MOB3B: variants seen among roughly 807,000 people sequenced by gnomAD.
MOB3B encodes the protein MOB kinase activator-like 2B.
A neutral mutation model predicts 18.7 loss-of-function variants in MOB3B; 7 were observed. That is an observed-to-expected ratio of 0.37 (90% CI 0.21 to 0.70). MOB3B has a LOEUF of 0.70. Ranked by LOEUF, MOB3B falls within the 30% of genes least tolerant of loss-of-function variation. The pLI is 0.52. For missense variants in MOB3B, 253 were observed against 281.3 expected, an observed-to-expected ratio of 0.90 and a Z score of 0.72; for synonymous variants, 111 against 99.9, an observed-to-expected ratio of 1.11 and a Z score of -0.66.
chr9:27,491,989 T>C (rs1438903624), intron 1 of MOB3B, among the ~76,000 whole-genome samples: 1 of 152,252 alleles, frequency 6.6e-6, no homozygotes, highest in African/African-American at 2.4e-5. Flanking sequence ...GATACCTAAA[T>C]GGAAAGTAGT....
intron 2 of MOB3B, among the ~76,000 whole-genome samples, chr9:27,415,680 G>GA (rs1417839424): frequency 6.6e-6 from 1 of 152,156 alleles, no homozygotes; most frequent in African/African-American, 2.4e-5. Flanking sequence ...AACTGTGTGA[G>GA]AAAAATCCTC....
At chr9:27,462,330 C>T (rs1681463330) in intron 1 of MOB3B, among the ~76,000 whole-genome samples, 1 of 148,348 alleles carries the variant, frequency 6.7e-6, no homozygotes, top group Admixed American at 6.7e-5. Flanking sequence ...TAAAGAAAGA[C>T]ACGTGAATTG....
At chr9:27,484,815 T>C (rs1333003237) in intron 1 of MOB3B, among the ~76,000 whole-genome samples, 8 of 152,148 alleles carry the variant, frequency 5.3e-5, no homozygotes, top group African/African-American at 1.9e-4. Flanking sequence ...TTCTGCAGGC[T>C]GTCAAACCCA....
At chr9:27,481,516 TTTTG>T (rs1563879358) in intron 1 of MOB3B, among the ~76,000 whole-genome samples, 4 of 136,818 alleles carry the variant, frequency 2.9e-5, no homozygotes, top group Non-Finnish European at 4.8e-5. Context: ...TTTTTGTTTT[TTTTG>T]TTTTTTTTTT....
chr9:27,496,279 C>T (rs922014418), intron 1 of MOB3B, among the ~76,000 whole-genome samples: 2 of 149,434 alleles, frequency 1.3e-5, no homozygotes, highest in Non-Finnish European at 1.5e-5. Context: ...GTTTTATTGC[C>T]AGGAGATAGA....
intron 2 of MOB3B, among the ~76,000 whole-genome samples, chr9:27,434,214 T>G (rs1822459100): frequency 6.6e-6 from 1 of 152,196 alleles, no homozygotes; most frequent in East Asian, 1.9e-4. Flanking sequence ...CTGGGCTGTC[T>G]GCTGACCCTC....
At chr9:27,503,280 G>A (rs751584751) in intron 1 of MOB3B, among the ~76,000 whole-genome samples, 2 of 152,182 alleles carry the variant, frequency 1.3e-5, no homozygotes, top group African/African-American at 2.4e-5. Flanking sequence ...AATTGACCAC[G>A]AATGTCAAAT....
chr9:27,411,134 T>G (rs1822059266), intron 2 of MOB3B, among the ~76,000 whole-genome samples: 1 of 152,238 alleles, frequency 6.6e-6, no homozygotes. Context: ...TACAATGATG[T>G]ATCCCTAGAT....
intron 1 of MOB3B, among the ~76,000 whole-genome samples, chr9:27,497,878 T>C (rs1487835011): frequency 1.3e-5 from 2 of 152,230 alleles, no homozygotes; most frequent in Non-Finnish European, 2.9e-5. Context: ...TAGCTGATCC[T>C]TGTTTAGAAG....
At chr9:27,406,909 G>A (rs1305183773) in intron 2 of MOB3B, among the ~76,000 whole-genome samples, 1 of 151,786 alleles carries the variant, frequency 6.6e-6, no homozygotes, top group Non-Finnish European at 1.5e-5. Flanking sequence ...CATGATCTCG[G>A]CTCACTGCAA....
chr9:27,501,702 G>A (rs771597477), intron 1 of MOB3B, among the ~76,000 whole-genome samples: 1 of 151,172 alleles, frequency 6.6e-6, no homozygotes, highest in Non-Finnish European at 1.5e-5. Flanking sequence ...AGGAGGTGTA[G>A]GTTGCAGTGA....
chr9:27,505,037 A>T (rs77874625), intron 1 of MOB3B, among the ~76,000 whole-genome samples: 4,892 of 152,282 alleles, frequency 0.032, 432 homozygotes, highest in East Asian at 0.28. Context: ...GCCCACCCTG[A>T]TAATCCAGAA....
intron 3 of MOB3B, among the ~76,000 whole-genome samples, chr9:27,342,133 C>T (rs572340209): frequency 6.6e-6 from 1 of 152,262 alleles, no homozygotes; most frequent in South Asian, 2.1e-4. Context: ...GCGACTGGGA[C>T]AGAGCCCGGC....
chr9:27,489,457 T>C (rs1819780827), intron 1 of MOB3B, among the ~76,000 whole-genome samples: 3 of 152,222 alleles, frequency 2.0e-5, no homozygotes, highest in Admixed American at 1.3e-4. Context: ...CTCCCTCATC[T>C]TGAGCTCAAG....
Position 27,329,609 on chromosome 9 carries a change from G to A in MOB3B, c.*978C>T, listed in dbSNP as rs993943826. The A allele has an allele frequency of 6.6e-6, 1 of 152,554 alleles. No homozygotes were observed. Among genetic ancestry groups the A allele is most frequent in the Non-Finnish European group, 1.5e-5 (1 of 68,030 alleles). 9.5% of individuals were successfully genotyped at this position (152,554 alleles called of 1,614,324 possible). ...AGCCGTCTGGGTGTTAAATCTACACGTACCAAATAACCAATTGTACTTTTT... is the reference window on the plus strand; with the variant it reads ...AGCCGTCTGGGTGTTAAATCTACACATACCAAATAACCAATTGTACTTTTT... On this transcript the variant is annotated 3_prime_UTR_variant, in exon 4 of 4. Transcript: ENST00000262244.
intron 2 of MOB3B, among the ~76,000 whole-genome samples, chr9:27,434,468 G>T (rs1001081278): frequency 2.6e-5 from 4 of 151,892 alleles, no homozygotes; most frequent in Non-Finnish European, 5.9e-5. Flanking sequence ...TAACCCACAA[G>T]TGCTCTTAGC....
chr9:27,450,642 G>A (rs903260379), intron 2 of MOB3B, among the ~76,000 whole-genome samples: 1 of 152,182 alleles, frequency 6.6e-6, no homozygotes, highest in Non-Finnish European at 1.5e-5. Context: ...CCTTTACCAT[G>A]TGAAGGGGAA....
chr9:27,486,233 A>T (rs1819727690), intron 1 of MOB3B, among the ~76,000 whole-genome samples: 1 of 152,230 alleles, frequency 6.6e-6, no homozygotes, highest in Non-Finnish European at 1.5e-5. Flanking sequence ...GCAGTATTAG[A>T]AGCAAGTCAA....
At chr9:27,378,451 G>A (rs1275755540) in intron 2 of MOB3B, 2 of 471,226 alleles carry the variant, frequency 4.2e-6, no homozygotes, top group African/African-American at 4.0e-5. Flanking sequence ...CAATGATGTG[G>A]CCAGAATGAT....
Sources: gnomAD v4.1 joint callset for allele counts (sites outside exome capture counted in the v4.1 genomes callset) on GRCh38, gnomAD v4.1.1 for gene constraint, MANE v1.5 for transcripts, NCBI Gene and HGNC (gene_info 2026-07-23, HGNC 2026-07-21) for gene names.